SSC4D: variants seen among roughly 807,000 people sequenced by gnomAD.
SSC4D encodes the protein scavenger receptor cysteine-rich domain-containing group B protein.
A neutral mutation model predicts 63.4 loss-of-function variants in SSC4D; 57 were observed. The ratio of observed to expected loss-of-function variants is 0.90; its 90% CI spans 0.73 to 1.12. SSC4D has a LOEUF of 1.12. SSC4D is among the 50% of genes most tolerant of loss of function. SSC4D has a pLI of 0.00. For synonymous variants in SSC4D, 352 were observed against 345.4 expected (o/e 1.02, Z -0.21); for missense variants, 791 against 806.4 (o/e 0.98, Z 0.23).
intron 4 of SSC4D, 29 bp downstream of exon 4, chr7:76,400,257 G>T: frequency 1.4e-6 from 2 of 1,435,536 alleles, no homozygotes; most frequent in Admixed American, 2.6e-5. Flanking sequence ...CAGTCTGTCT[G>T]TCCCTCCAGG....
At position 76,397,749 on chromosome 7, in the gene SSC4D, C is replaced by G; in HGVS notation, c.637G>C (p.Val213Leu). ...GGCAGCCCCCAGTCGTCGTCACACACGGTGCCCCACAGGCCACTGTGCAGG... is the reference window on the plus strand; with the variant it reads ...GGCAGCCCCCAGTCGTCGTCACACAGGGTGCCCCACAGGCCACTGTGCAGG... ...EILHSGLWGT[V>L]CDDDWGLPDA... is the part of the protein sequence containing the mutation. The change falls in exon 6 of 11, where the codon GTG becomes CTG. Residue 213 changes from valine (V) to leucine (L), a missense_variant. By Grantham distance (32) the Val-to-Leu change is conservative. Coordinates refer to ENST00000275560, the MANE Select transcript of SSC4D (RefSeq NM_080744.2). The G allele has an allele frequency of 6.2e-7, 1 of 1,613,118 alleles. No individual in the cohort carries two copies. The highest frequency in any genetic ancestry group is 1.1e-5 in the South Asian group (1 of 91,036).
chr7:76,402,913 C>T (rs987862479), intron 2 of SSC4D, among the ~76,000 whole-genome samples: 9 of 151,980 alleles, frequency 5.9e-5, no homozygotes, highest in African/African-American at 1.7e-4. Flanking sequence ...GTGATCCATC[C>T]GCCTCAGCCT....
chr7:76,392,899 G>A (rs1342253650), intron 9 of SSC4D, among the ~76,000 whole-genome samples: 1 of 152,148 alleles, frequency 6.6e-6, no homozygotes, highest in East Asian at 1.9e-4. Flanking sequence ...TAGCCCTGGG[G>A]CACCAAATGA....
In SSC4D at chr7:76,409,434, C is replaced by CT. The variant is rs1805172564; in HGVS notation, c.-88dup. On this transcript the variant is annotated 5_prime_UTR_variant, in exon 1 of 11. It introduces an in-frame stop codon into an upstream open reading frame of the 5' UTR. Transcript: ENST00000275560. ...CATACCTGGGGGAATGTTCTGGGCTCTTTCTGTCCCTTCTTCTACAGTCAA... is the reference window on the plus strand; with the variant it reads ...CATACCTGGGGGAATGTTCTGGGCTCTTTTCTGTCCCTTCTTCTACAGTCAA... 2 of 152,334 alleles carry CT rather than the reference C, an allele frequency of 1.3e-5. No individual in the cohort carries two copies. The highest frequency in any genetic ancestry group is 6.6e-5 in the Admixed American group (1 of 15,264). The allele number at this position is 152,334 out of a possible 1,614,324, so 9.4% of individuals were successfully genotyped here. A position where few individuals can be genotyped will look rare whatever the true frequency, so the allele number is the denominator to read the frequency against.
chr7:76,400,865 ATGG>A lies in SSC4D; in HGVS notation c.169+140_169+142del, dbSNP rs1804801112. On this transcript the variant is annotated intron_variant, in intron 3 of 10. Transcript: ENST00000275560. ...CCTTGGGATCAATCCCTTCTGGAAA[ATGG>A]GGAGACTACAGCTCCCCTGAGATGG... 6 of 1,222,666 alleles carry A rather than the reference ATGG, an allele frequency of 4.9e-6. No homozygotes were observed. The African/African-American group carries it at 7.6e-5, about 15-fold the overall frequency. The allele number at this position is 1,222,666 out of a possible 1,614,324, so 75.7% of individuals were successfully genotyped here.
intron 6 of SSC4D, 91 bp from the exon 7 acceptor site, chr7:76,395,421 CTGG>C: frequency 7.5e-7 from 1 of 1,334,948 alleles, no homozygotes; most frequent in Non-Finnish European, 1.1e-6. Context: ...GAGGGTCTGC[CTGG>C]AGGAGAGAAT....
intron 4 of SSC4D, among the ~76,000 whole-genome samples, chr7:76,399,833 G>A (rs1804756958): frequency 6.6e-6 from 1 of 152,072 alleles, no homozygotes; most frequent in Non-Finnish European, 1.5e-5. Flanking sequence ...TGATTGTCTG[G>A]TTTTAAAACT....
At chr7:76,401,078 G>A (rs747673443) in intron 2 of SSC4D, 35 bp from the exon 3 acceptor site, 1 of 1,518,450 alleles carries the variant, frequency 6.6e-7, no homozygotes, top group East Asian at 2.5e-5. Context: ...TGGCCCCTCT[G>A]CCCACACCAT....
rs554116439 is a variant in SSC4D, at chr7:76,391,826, A to C, written c.1411+138T>G. 4.6e-6 allele frequency: 4 copies of C among 862,354 alleles called. No individual in the cohort carries two copies. The East Asian group carries it at 1.1e-4, about 23-fold the overall frequency. 53.4% of individuals were successfully genotyped at this position (862,354 alleles called of 1,614,324 possible). On this transcript the variant is annotated intron_variant, in intron 10 of 10. Transcript: ENST00000275560. ...ACCATATTCCTACAAAGGAGGCCTG[A>C]GACCAACAAAAAGGACAAGACTTCC...
Position 76,393,729 on chromosome 7 carries a change from C to G in SSC4D, c.1022-13G>C, listed in dbSNP as rs1041695948. On this transcript the variant is annotated splice_polypyrimidine_tract_variant and intron_variant, in intron 8 of 10. Coordinates refer to ENST00000275560, the MANE Select transcript of SSC4D (RefSeq NM_080744.2). ...CGCAGCCGTCCACCTGCGGGGCGCA[C>G]AGGCCCGCGGCCAGAGGGGCTGGGC... is the stretch of plus-strand genomic sequence containing the variant. The G allele has an allele frequency of 3.6e-6, 5 of 1,401,860 alleles. No individual in the cohort carries two copies. The highest frequency in any genetic ancestry group is 3.4e-5 in the Admixed American group (1 of 29,120). 86.8% of individuals were successfully genotyped at this position (1,401,860 alleles called of 1,614,324 possible).
At chr7:76,405,296 TA>T (rs1804968752) in intron 1 of SSC4D, among the ~76,000 whole-genome samples, 1 of 54,584 alleles carries the variant, frequency 1.8e-5, no homozygotes, top group African/African-American at 8.0e-5. Context: ...TATATATATA[TA>T]TATATATATA....
chr7:76,404,197 G>C, intron 2 of SSC4D, 110 bp downstream of exon 2: 1 of 1,400,942 alleles, frequency 7.1e-7, no homozygotes, highest in African/African-American at 1.5e-5. Flanking sequence ...GCATTGGAAA[G>C]AACAACAGGA....
Position 76,405,283 on chromosome 7 carries a change from A to ATATATG in SSC4D, c.-66-779_-66-778insCATATA, listed in dbSNP as rs1293194089. ...CACACCCAGCTAATTATATATATAT[A>ATATATG]TATATATATATATATATATATATAT... On this transcript the variant is annotated intron_variant, in intron 1 of 10. Transcript: ENST00000275560. Among the ~76,000 whole-genome samples, 10 of 32,268 alleles carry ATATATG rather than the reference A, an allele frequency of 3.1e-4. 1 individual carries two copies. Among genetic ancestry groups the ATATATG allele is most frequent in the Non-Finnish European group, 5.1e-4 (10 of 19,536 alleles). The allele number at this position is 32,268 out of a possible 152,430, so 21.2% of individuals were successfully genotyped here.
Position 76,389,760 on chromosome 7 carries a change from C to G in SSC4D, c.*299G>C, listed in dbSNP as rs1804452505. ...TCTGGTGCTATAAAAAGAGCCCCAC[C>G]AAACAGAAGAGTTAGGAATCATCCT... is the stretch of plus-strand genomic sequence containing the variant. On this transcript the variant is annotated 3_prime_UTR_variant, in exon 11 of 11. Transcript: ENST00000275560. 9 of 394,352 alleles carry G rather than the reference C, an allele frequency of 2.3e-5. No individual in the cohort carries two copies. The Admixed American group carries it at 3.7e-4, about 16-fold the overall frequency. The allele number at this position is 394,352 out of a possible 1,614,324, so 24.4% of individuals were successfully genotyped here.
rs1411729743 is a variant in SSC4D at position 76,389,576 on chromosome 7, G to GTCCT, written c.*482_*483insAGGA. ...CCCTCGCGGAGCAGGGCAGGACAGG[G>GTCCT]ACCCAGGTTCCTCTGCAGCCCCTGA... is the stretch of plus-strand genomic sequence containing the variant. On this transcript the variant is annotated 3_prime_UTR_variant, in exon 11 of 11. Transcript: ENST00000275560. 2.4e-5 allele frequency: 4 copies of GTCCT among 166,980 alleles called. No individual in the cohort carries two copies. The highest frequency in any genetic ancestry group is 5.3e-5 in the Non-Finnish European group (4 of 76,056). The allele number at this position is 166,980 out of a possible 1,614,324, so 10.3% of individuals were successfully genotyped here.
chr7:76,400,932 T>C (rs1804803620), intron 3 of SSC4D, 76 bp downstream of exon 3: 2 of 1,541,570 alleles, frequency 1.3e-6, no homozygotes, highest in Non-Finnish European at 1.8e-6. Flanking sequence ...AGTCATCACT[T>C]CCTGTGGTTC....
In SSC4D at chr7:76,395,348, G is replaced by T. The variant is rs781256432; in HGVS notation, c.869-18C>A. The T allele has an allele frequency of 1.2e-6, 2 of 1,613,332 alleles. No individual in the cohort carries two copies. The highest frequency in any genetic ancestry group is 1.1e-5 in the South Asian group (1 of 91,054). ...ACCCAGGCCTAGGGCAGGAGAGAAGGGGGCAGGGTCAGAGGCTGAGATTCT... is the reference window on the plus strand; with the variant it reads ...ACCCAGGCCTAGGGCAGGAGAGAAGTGGGCAGGGTCAGAGGCTGAGATTCT... On this transcript the variant is annotated intron_variant, in intron 6 of 10. Coordinates refer to ENST00000275560, the MANE Select transcript of SSC4D (RefSeq NM_080744.2).
Position 76,393,626 on chromosome 7 carries a change from T to A in SSC4D, c.1112A>T (p.Asp371Val). 1 of 1,497,782 alleles carries A rather than the reference T, an allele frequency of 6.7e-7. No individual in the cohort carries two copies. Among genetic ancestry groups the A allele is most frequent in the Non-Finnish European group, 8.9e-7 (1 of 1,129,832 alleles). The allele number at this position is 1,497,782 out of a possible 1,614,324, so 92.8% of individuals were successfully genotyped here. Residue 371 changes from aspartate (D) to valine (V), a missense_variant, in exon 9 of 11, where the codon GAT becomes GTT. Coordinates refer to ENST00000275560, the MANE Select transcript of SSC4D (RefSeq NM_080744.2). ...HAGGWGTVCD[D>V]DWDFADARVA... Reference sequence around the variant, plus strand: ...GCGCGCGTCCGCAAAGTCCCAGTCATCGTCGCACACGGTGCCCCAGCCCCC... The same window carrying A: ...GCGCGCGTCCGCAAAGTCCCAGTCAACGTCGCACACGGTGCCCCAGCCCCC...
Position 76,397,669 on chromosome 7 carries a change from G to C in SSC4D, c.717C>G (p.Thr239=). The change falls in exon 6 of 11, where the codon ACC becomes ACG. Residue 239 remains threonine (T), a synonymous_variant. Coordinates refer to ENST00000275560, the MANE Select transcript of SSC4D (RefSeq NM_080744.2). The stretch of plus-strand genomic sequence containing the variant: ...TGCCATAGCCGAAGAAGGCGTTGGT[G>C]GTGGCGGCCATGGCCGCCCCGCAGC... ...QLGCGAAMAA[T]TNAFFGYGTG... is the part of the protein sequence containing the mutation. The C allele has an allele frequency of 6.2e-7, 1 of 1,613,548 alleles. No individual in the cohort carries two copies. The highest frequency in any genetic ancestry group is 1.1e-5 in the South Asian group (1 of 91,084).
Sources: gnomAD v4.1 joint callset for allele counts (sites outside exome capture counted in the v4.1 genomes callset) on GRCh38, gnomAD v4.1.1 for gene constraint, MANE v1.5 for transcripts, NCBI Gene and HGNC (gene_info 2026-07-23, HGNC 2026-07-21) for gene names.